TOX: variants seen among roughly 807,000 people sequenced by gnomAD.
TOX encodes thymocyte selection-associated high mobility group box protein TOX.
TOX carries 11 observed loss-of-function variants against 53.7 expected under a neutral mutation model. The ratio of observed to expected loss-of-function variants is 0.20; its 90% CI spans 0.13 to 0.34. The LOEUF is 0.34. TOX is among the 10% of genes least tolerant of loss of function. The pLI is 1.00. For missense variants in TOX, 570 were observed against 664.6 expected, an observed-to-expected ratio of 0.86 and a Z score of 1.56; for synonymous variants, 225 against 245.3, an observed-to-expected ratio of 0.92 and a Z score of 0.77.
intron 1 of TOX, among the ~76,000 whole-genome samples, chr8:59,106,099 A>G (rs1453051031): frequency 2.0e-5 from 3 of 152,188 alleles, no homozygotes; most frequent in African/African-American, 7.2e-5. Context: ...TAATAATGTC[A>G]TTTTACAATA....
chr8:59,087,322 T>TA lies in TOX; in HGVS notation c.102+31563dup, dbSNP rs938729894. On this transcript the variant is annotated intron_variant, in intron 1 of 8. Coordinates refer to ENST00000361421, the MANE Select transcript of TOX (RefSeq NM_014729.3). ...TTAGCCTTTCAGCTTTGCCGAAGGT[T>TA]AAAAAAAAATCAGACAAACTTCATC... is the stretch of plus-strand genomic sequence containing the variant. 1.1e-3 allele frequency among the ~76,000 whole-genome samples: 173 copies of TA among 151,534 alleles called. 1 individual carries two copies. The highest frequency in any genetic ancestry group is 2.5e-4 in the Non-Finnish European group (17 of 67,794).
At chr8:58,828,823 A>C (rs1810405704) in intron 5 of TOX, among the ~76,000 whole-genome samples, 1 of 152,192 alleles carries the variant, frequency 6.6e-6, no homozygotes, top group South Asian at 2.1e-4. Context: ...ATTTGCTTTT[A>C]ATACCTCAAA....
At chr8:58,871,511 C>T (rs1811198543) in intron 3 of TOX, among the ~76,000 whole-genome samples, 1 of 152,058 alleles carries the variant, frequency 6.6e-6, no homozygotes, top group Non-Finnish European at 1.5e-5. Flanking sequence ...TTGAAAGGAG[C>T]AGGATAATAA....
intron 6 of TOX, among the ~76,000 whole-genome samples, chr8:58,818,798 G>A (rs1226066618): frequency 1.3e-5 from 2 of 152,102 alleles, no homozygotes; most frequent in Non-Finnish European, 2.9e-5. Flanking sequence ...AACCCTTCCT[G>A]AAGTGATGAG....
intron 1 of TOX, among the ~76,000 whole-genome samples, chr8:59,034,166 G>A (rs955374951): frequency 2.0e-5 from 3 of 152,132 alleles, no homozygotes; most frequent in Non-Finnish European, 4.4e-5. Flanking sequence ...TGCTTATCCC[G>A]TGCAGTTTGA....
intron 3 of TOX, among the ~76,000 whole-genome samples, chr8:58,871,914 G>C (rs2129170060): frequency 1.3e-5 from 2 of 152,226 alleles, no homozygotes; most frequent in South Asian, 4.1e-4. Context: ...CCAGTTAAGA[G>C]ATCCAGGAAG....
At position 59,048,641 on chromosome 8, in the gene TOX, C is replaced by T. The variant is rs140434924; in HGVS notation, c.102+70245G>A. On this transcript the variant is annotated intron_variant, in intron 1 of 8. Coordinates refer to ENST00000361421, the MANE Select transcript of TOX (RefSeq NM_014729.3). ...GCCAAAAAATAAAGGGTGGGAGAAACCTATGGCTAATTTTAATTCTTCCCA... is the reference window on the plus strand; with the variant it reads ...GCCAAAAAATAAAGGGTGGGAGAAATCTATGGCTAATTTTAATTCTTCCCA... 6.2e-3 allele frequency among the ~76,000 whole-genome samples: 945 copies of T among 152,122 alleles called. 6 individuals carry two copies. Among genetic ancestry groups the T allele is most frequent in the African/African-American group, 0.022 (904 of 41,516 alleles).
In TOX at chr8:58,956,944, T is replaced by C. The variant is rs562695551; in HGVS notation, c.168+2999A>G. The stretch of plus-strand genomic sequence containing the variant: ...ACTGTATTATTAACTATAGTCCTCA[T>C]GTTGCAAGTTACATCTCTAGACTTG... On this transcript the variant is annotated intron_variant, in intron 2 of 8. Transcript: ENST00000361421. 1.8e-4 allele frequency among the ~76,000 whole-genome samples: 28 copies of C among 152,332 alleles called. 1 individual carries two copies. The South Asian group carries it at 5.0e-3, about 27-fold the overall frequency.
Position 58,827,049 on chromosome 8 carries a change from T to A in TOX, c.925-147A>T, listed in dbSNP as rs1810377666. Reference sequence around the variant, plus strand: ...ATATCTCCCCAAAGATTGTGTTTTCTTACTGAAACAGATTTTTAAGAAGTA... The same window carrying A: ...ATATCTCCCCAAAGATTGTGTTTTCATACTGAAACAGATTTTTAAGAAGTA... On this transcript the variant is annotated intron_variant, in intron 5 of 8. Transcript: ENST00000361421. 4 of 482,166 alleles carry A rather than the reference T, an allele frequency of 8.3e-6. No individual in the cohort carries two copies. In the East Asian group the frequency reaches 1.6e-4, roughly 20 times the overall value. 29.9% of individuals were successfully genotyped at this position (482,166 alleles called of 1,614,324 possible).
chr8:59,033,790 T>A (rs1814401636), intron 1 of TOX, among the ~76,000 whole-genome samples: 1 of 152,224 alleles, frequency 6.6e-6, no homozygotes, highest in Non-Finnish European at 1.5e-5. Flanking sequence ...TTAAAGACTG[T>A]GTTCACAGCC....
chr8:59,025,458 C>T (rs952659166), intron 1 of TOX, among the ~76,000 whole-genome samples: 1 of 128,058 alleles, frequency 7.8e-6, no homozygotes, highest in African/African-American at 2.6e-5. Flanking sequence ...TAGGACTACA[C>T]ATAAAGTAAG....
chr8:58,844,653 A>G (rs1398847140), intron 4 of TOX, among the ~76,000 whole-genome samples: 2 of 152,168 alleles, frequency 1.3e-5, no homozygotes, highest in African/African-American at 4.8e-5. Flanking sequence ...TTATGAGGCA[A>G]AGAAAATTTG....
At chr8:58,881,602 TAGTCCC>T (rs1811383780) in intron 3 of TOX, among the ~76,000 whole-genome samples, 1 of 151,666 alleles carries the variant, frequency 6.6e-6, no homozygotes, top group Non-Finnish European at 1.5e-5. Context: ...CACGTGCCTG[TAGTCCC>T]AGCTACTCAG....
At chr8:59,094,319 G>A (rs1240775730) in intron 1 of TOX, among the ~76,000 whole-genome samples, 1 of 152,012 alleles carries the variant, frequency 6.6e-6, no homozygotes, top group African/African-American at 2.4e-5. Flanking sequence ...ATTAGTATGA[G>A]TATTACATAA....
chr8:58,913,259 T>C (rs1811936140), intron 3 of TOX, among the ~76,000 whole-genome samples: 1 of 152,106 alleles, frequency 6.6e-6, no homozygotes, highest in Non-Finnish European at 1.5e-5. Context: ...GGGGCTGCAG[T>C]GAGCTATGAT....
At chr8:58,875,404 T>C (rs1047337468) in intron 3 of TOX, among the ~76,000 whole-genome samples, 2 of 152,178 alleles carry the variant, frequency 1.3e-5, no homozygotes, top group African/African-American at 2.4e-5. Context: ...TACTAGTATA[T>C]AGTAATTTAA....
At chr8:58,836,904 C>T (rs1810555329) in intron 5 of TOX, among the ~76,000 whole-genome samples, 1 of 152,150 alleles carries the variant, frequency 6.6e-6, no homozygotes, top group Non-Finnish European at 1.5e-5. Context: ...AAGTGCTCAA[C>T]AAATATTTGT....
intron 4 of TOX, among the ~76,000 whole-genome samples, chr8:58,838,865 C>A (rs1275055843): frequency 6.6e-6 from 1 of 151,928 alleles, no homozygotes; most frequent in Admixed American, 6.6e-5. Context: ...CCACACCTGG[C>A]TAATTTTTTG....
intron 1 of TOX, among the ~76,000 whole-genome samples, chr8:59,026,653 G>A (rs1351571481): frequency 1.3e-5 from 2 of 152,074 alleles, no homozygotes; most frequent in Admixed American, 1.3e-4. Flanking sequence ...GCTATTAACA[G>A]CACTTGCCAT....
Sources: gnomAD v4.1 joint callset for allele counts (sites outside exome capture counted in the v4.1 genomes callset) on GRCh38, gnomAD v4.1.1 for gene constraint, MANE v1.5 for transcripts, NCBI Gene and HGNC (gene_info 2026-07-23, HGNC 2026-07-21) for gene names.